SLC4A4: variants seen among roughly 807,000 people sequenced by gnomAD.
SLC4A4 encodes solute carrier family 4 member 4, also known as electrogenic sodium bicarbonate cotransporter 1.
In SLC4A4, 27 loss-of-function variants were observed where a neutral mutation model predicts 111.5. The observed-to-expected ratio is 0.24, with a 90% CI of 0.18 to 0.33. SLC4A4 has a LOEUF of 0.33. SLC4A4 is among the 10% of genes least tolerant of loss of function. SLC4A4 has a pLI of 1.00. For synonymous variants in SLC4A4, 443 were observed against 463.4 expected, an observed-to-expected ratio of 0.96 and a Z score of 0.57; for missense variants, 909 against 1,315.5, an observed-to-expected ratio of 0.69 and a Z score of 4.78.
chr4:71,512,988 C>T lies in SLC4A4; in HGVS notation c.2166+15296C>T, dbSNP rs545702145. ...TTATCTACTCCGTTCTGTTGGTCTA[C>T]GTGTCTATTTTTATAGCAATACTAT... On this transcript the variant is annotated intron_variant, in intron 16 of 25. Transcript: ENST00000264485. Among the ~76,000 whole-genome samples, 6 of 152,098 alleles carry T rather than the reference C, an allele frequency of 3.9e-5. No individual in the cohort carries two copies. In the South Asian group the frequency reaches 6.2e-4, roughly 16 times the overall value.
chr4:71,459,591 C>T (rs1726627603), intron 12 of SLC4A4, among the ~76,000 whole-genome samples: 1 of 151,966 alleles, frequency 6.6e-6, no homozygotes, highest in African/African-American at 2.4e-5. Flanking sequence ...AACAGAGCCC[C>T]TCTTAGTGGA....
chr4:71,440,532 T>C, intron 7 of SLC4A4, 84 bp from the exon 8 acceptor site: 1 of 1,523,856 alleles, frequency 6.6e-7, no homozygotes, highest in Non-Finnish European at 9.1e-7. Flanking sequence ...GGAAGGCCCT[T>C]TTTGTTCCCT....
chr4:71,094,887 G>T (rs1056150978), intron 2 of SLC4A4, among the ~76,000 whole-genome samples: 1 of 152,068 alleles, frequency 6.6e-6, no homozygotes, highest in African/African-American at 2.4e-5. Context: ...GTTGATTTTT[G>T]TTATATATAT....
At chr4:71,422,054 T>A (rs1722566668) in intron 7 of SLC4A4, among the ~76,000 whole-genome samples, 1 of 150,762 alleles carries the variant, frequency 6.6e-6, no homozygotes, top group African/African-American at 2.4e-5. Flanking sequence ...AGGAGCTGGT[T>A]TTTTGAAAGG....
At chr4:71,403,054 A>G (rs1339993244) in intron 7 of SLC4A4, among the ~76,000 whole-genome samples, 1 of 152,190 alleles carries the variant, frequency 6.6e-6, no homozygotes, top group African/African-American at 2.4e-5. Flanking sequence ...GCATTTATTA[A>G]TGTTGTACAT....
chr4:71,466,979 G>GAGAGA (rs1363275518), intron 13 of SLC4A4, among the ~76,000 whole-genome samples: 673 of 145,636 alleles, frequency 4.6e-3, no homozygotes, highest in Middle Eastern at 0.015. Flanking sequence ...GAGAGAGAGA[G>GAGAGA]GTCTGAGTAT....
intron 7 of SLC4A4, among the ~76,000 whole-genome samples, chr4:71,424,080 G>T (rs1418785913): frequency 2.0e-5 from 3 of 151,988 alleles, no homozygotes; most frequent in African/African-American, 7.2e-5. Context: ...GAAAATTTTC[G>T]CAACCTACTC....
chr4:71,432,246 T>G (rs1329761961), intron 7 of SLC4A4, among the ~76,000 whole-genome samples: 1 of 152,156 alleles, frequency 6.6e-6, no homozygotes, highest in African/African-American at 2.4e-5. Context: ...GCAAGGAGTC[T>G]GCTAGAGAAA....
chr4:71,424,404 T>C (rs568294428), intron 7 of SLC4A4, among the ~76,000 whole-genome samples: 17 of 151,470 alleles, frequency 1.1e-4, no homozygotes, highest in African/African-American at 3.9e-4. Context: ...GACTGTAAAC[T>C]AGTTCAACCA....
At chr4:71,524,116 A>G (rs886320328) in intron 16 of SLC4A4, among the ~76,000 whole-genome samples, 1 of 152,164 alleles carries the variant, frequency 6.6e-6, no homozygotes, top group African/African-American at 2.4e-5. Context: ...TAGACTTCAC[A>G]TAGTTGAAGA....
intron 13 of SLC4A4, among the ~76,000 whole-genome samples, chr4:71,468,047 C>T (rs4361359): frequency 0.27 from 40,829 of 151,860 alleles, 7,612 homozygotes; most frequent in East Asian, 0.59. Flanking sequence ...TTAAAACCAG[C>T]TTTTTGAAAA....
At chr4:71,302,601 A>G (rs1031898617) in intron 3 of SLC4A4, among the ~76,000 whole-genome samples, 1 of 152,216 alleles carries the variant, frequency 6.6e-6, no homozygotes, top group Non-Finnish European at 1.5e-5. Context: ...GATGTGCGCT[A>G]CCTGCAGTGT....
At chr4:71,468,776 G>A (rs1454488493) in intron 13 of SLC4A4, among the ~76,000 whole-genome samples, 1 of 150,796 alleles carries the variant, frequency 6.6e-6, no homozygotes, top group African/African-American at 2.4e-5. Context: ...TCTGGGAAGT[G>A]CTGTATACTA....
At chr4:71,552,199 C>T (rs1736053045) in intron 20 of SLC4A4, among the ~76,000 whole-genome samples, 1 of 151,852 alleles carries the variant, frequency 6.6e-6, no homozygotes, top group Admixed American at 6.6e-5. Context: ...CTTTATCATA[C>T]CCTCTTTTAA....
At chr4:71,089,627 C>T (rs1742316144) in intron 1 of SLC4A4, among the ~76,000 whole-genome samples, 1 of 152,046 alleles carries the variant, frequency 6.6e-6, no homozygotes, top group Non-Finnish European at 1.5e-5. Flanking sequence ...TCAGGACCCT[C>T]AGGTGCAGGT....
At chr4:71,095,533 C>A (rs1353561194) in intron 2 of SLC4A4, among the ~76,000 whole-genome samples, 1 of 152,212 alleles carries the variant, frequency 6.6e-6, no homozygotes, top group Non-Finnish European at 1.5e-5. Context: ...CTGCGTTTTG[C>A]TCATTTGCTC....
intron 14 of SLC4A4, among the ~76,000 whole-genome samples, chr4:71,485,851 GTTA>G (rs1729338411): frequency 6.6e-6 from 1 of 151,334 alleles, no homozygotes; most frequent in Non-Finnish European, 1.5e-5. Context: ...TTGAGTTCCT[GTTA>G]AGAGCTACAC....
chr4:71,285,733 A>AT (rs988499974), intron 3 of SLC4A4, among the ~76,000 whole-genome samples: 6 of 152,066 alleles, frequency 3.9e-5, no homozygotes, highest in Admixed American at 2.0e-4. Flanking sequence ...GAAATTAAAT[A>AT]TTTTTTTTGA....
chr4:71,534,737 A>T (rs1734260903), intron 18 of SLC4A4, among the ~76,000 whole-genome samples: 1 of 152,204 alleles, frequency 6.6e-6, no homozygotes, highest in Non-Finnish European at 1.5e-5. Context: ...TAATTAATTT[A>T]TACTGAGCAT....
Sources: gnomAD v4.1 joint callset for allele counts (sites outside exome capture counted in the v4.1 genomes callset) on GRCh38, gnomAD v4.1.1 for gene constraint, MANE v1.5 for transcripts, NCBI Gene and HGNC (gene_info 2026-07-23, HGNC 2026-07-21) for gene names.